The following CHD2 variants were observed in gnomAD, a reference collection of about 807,000 sequenced individuals.
The protein encoded by CHD2 is chromodomain helicase DNA binding protein 2, also known as ATP-dependent chromatin remodeler CHD2.
A neutral mutation model predicts 243.9 loss-of-function variants in CHD2; 28 were observed. The observed-to-expected ratio is 0.11, with a 90% confidence interval of 0.09 to 0.16. The LOEUF (loss-of-function observed/expected upper bound fraction) is 0.16. Among genes scored for constraint, CHD2 ranks in the 10% least tolerant of loss-of-function variants. CHD2 has a pLI of 1.00. For synonymous variants in CHD2, 775 were observed against 779.0 expected (o/e 0.99, Z 0.09); for missense variants, 1,386 against 2,209.8 (o/e 0.63, Z 7.47).
intron 35 of CHD2, among the ~76,000 whole-genome samples, chr15:93,010,884 A>T (rs771810421): frequency 1.3e-5 from 2 of 152,236 alleles, no homozygotes; most frequent in African/African-American, 2.4e-5. Flanking sequence ...TAATGTGATT[A>T]TCTTTGTATA....
In CHD2 at chr15:93,002,208, A is replaced by G. The variant is rs1596450477; in HGVS notation, c.4169A>G (p.Lys1390Arg). The change falls in exon 33 of 39, where the codon AAA becomes AGA. Residue 1390 changes from lysine (K) to arginine (R), a missense_variant. Coordinates refer to ENST00000394196, the MANE Select transcript of CHD2 (RefSeq NM_001271.4). The part of the protein sequence containing the change: ...DDGLEKSPMK[K>R]KQKKKENKEN... ...GGCTTGGAAAAAAGTCCAATGAAAAAAAAACAGAAGAAGAAAGAGAACAAG... is the reference window on the plus strand; with the variant it reads ...GGCTTGGAAAAAAGTCCAATGAAAAGAAAACAGAAGAAGAAAGAGAACAAG... 1.3e-6 allele frequency: 2 copies of G among 1,595,626 alleles called. No individual in the cohort carries two copies. Among genetic ancestry groups the G allele is most frequent in the East Asian group, 4.5e-5 (2 of 44,762 alleles).
At chr15:92,909,964 G>GTGTGTA in intron 2 of CHD2, among the ~76,000 whole-genome samples, 1 of 109,970 alleles carries the variant, frequency 9.1e-6, no homozygotes, top group South Asian at 2.9e-4. Context: ...GTGTGTGTGT[G>GTGTGTA]TGTGTATGTA....
intron 6 of CHD2, among the ~76,000 whole-genome samples, chr15:92,938,938 A>ACT: frequency 6.6e-6 from 1 of 152,188 alleles, no homozygotes; most frequent in East Asian, 1.9e-4. Flanking sequence ...ACTTATGTAT[A>ACT]GTTACTTCTT....
chr15:92,949,802 C>T (rs2053528286), intron 13 of CHD2, among the ~76,000 whole-genome samples: 1 of 152,150 alleles, frequency 6.6e-6, no homozygotes. Context: ...CTCAGCAAGG[C>T]AATTTTACTT....
chr15:92,986,328 TAGAA>T (rs1222134659), intron 26 of CHD2, among the ~76,000 whole-genome samples: 1 of 151,946 alleles, frequency 6.6e-6, no homozygotes, highest in Non-Finnish European at 1.5e-5. Flanking sequence ...CTGAAGAAAA[TAGAA>T]AGTATAAAGA....
intron 26 of CHD2, 72 bp from the exon 27 acceptor site, chr15:92,991,404 G>A (rs757797233): frequency 1.7e-6 from 2 of 1,150,572 alleles, no homozygotes; most frequent in Non-Finnish European, 2.6e-6. Flanking sequence ...TGTCATCACA[G>A]GATATGCTAG....
chr15:92,933,814 C>T (rs2053219264), intron 5 of CHD2, among the ~76,000 whole-genome samples: 1 of 152,172 alleles, frequency 6.6e-6, no homozygotes, highest in Non-Finnish European at 1.5e-5. Flanking sequence ...CTCTGATGCC[C>T]AGGCTGGCCT....
At chr15:92,992,749 AG>A (rs755660092) in intron 27 of CHD2, 109 bp from the exon 28 acceptor site, 64 of 1,408,268 alleles carry the variant, frequency 4.5e-5, no homozygotes, top group Non-Finnish European at 6.1e-5. Flanking sequence ...AGGAACGCAA[AG>A]AAAAGTGTCT....
chr15:92,915,562 C>T (rs1326401224), intron 2 of CHD2, among the ~76,000 whole-genome samples: 5 of 152,114 alleles, frequency 3.3e-5, no homozygotes, highest in South Asian at 2.1e-4. Context: ...TGAGCCACCA[C>T]GCCCGGCCTA....
intron 13 of CHD2, among the ~76,000 whole-genome samples, chr15:92,951,686 G>T (rs776002049): frequency 1.6e-4 from 25 of 152,262 alleles, no homozygotes; most frequent in Non-Finnish European, 3.1e-4. Flanking sequence ...ACTTAACTGT[G>T]CTTCCTCCTG....
chr15:92,980,729 G>C, intron 22 of CHD2, 86 bp from the exon 23 acceptor site: 1 of 900,018 alleles, frequency 1.1e-6, no homozygotes, highest in South Asian at 1.6e-5. Flanking sequence ...CAGTTAACTT[G>C]ACCTCTTTCT....
chr15:92,929,925 A>G (rs1260362125), intron 5 of CHD2, among the ~76,000 whole-genome samples: 1 of 152,218 alleles, frequency 6.6e-6, no homozygotes, highest in East Asian at 1.9e-4. Context: ...CATCTCCAAA[A>G]AAAAAAATAA....
intron 2 of CHD2, among the ~76,000 whole-genome samples, chr15:92,913,884 G>A (rs146059684): frequency 1.3e-4 from 20 of 152,150 alleles, no homozygotes; most frequent in South Asian, 1.0e-3. Flanking sequence ...TTGAGAAACC[G>A]TGCTTGCCTT....
intron 34 of CHD2, among the ~76,000 whole-genome samples, chr15:93,007,108 T>C (rs2054331517): frequency 6.6e-6 from 1 of 152,244 alleles, no homozygotes; most frequent in Non-Finnish European, 1.5e-5. Flanking sequence ...TCTGCCACTT[T>C]ATTAGATACT....
chr15:92,938,933 T>G (rs553336779), intron 6 of CHD2, among the ~76,000 whole-genome samples: 1 of 152,236 alleles, frequency 6.6e-6, no homozygotes, highest in Non-Finnish European at 1.5e-5. Context: ...TAAAAACTTA[T>G]GTATAGTTAC....
chr15:92,939,786 C>T (rs2141778689), intron 7 of CHD2, 68 bp downstream of exon 7: 1 of 1,541,702 alleles, frequency 6.5e-7, no homozygotes. Flanking sequence ...TTTTGGTTCT[C>T]ATAAGTCCGG....
chr15:92,957,337 C>T (rs2053629131), intron 16 of CHD2, among the ~76,000 whole-genome samples: 1 of 152,210 alleles, frequency 6.6e-6, no homozygotes. Flanking sequence ...TATATTTCTT[C>T]TTGTCTTCAC....
chr15:92,905,131 A>C (rs975276006), intron 2 of CHD2: 3 of 772,106 alleles, frequency 3.9e-6, no homozygotes, highest in Non-Finnish European at 6.0e-6. Flanking sequence ...AACCATTACT[A>C]TGTAAGTAAA....
At chr15:92,911,843 T>C (rs1309344687) in intron 2 of CHD2, among the ~76,000 whole-genome samples, 1 of 152,242 alleles carries the variant, frequency 6.6e-6, no homozygotes. Flanking sequence ...AGTTTGCTTC[T>C]TTTTAAACAC....
Sources: gnomAD v4.1 joint callset for allele counts (sites outside exome capture counted in the v4.1 genomes callset) on GRCh38, gnomAD v4.1.1 for gene constraint, MANE v1.5 for transcripts, NCBI Gene and HGNC (gene_info 2026-07-23, HGNC 2026-07-21) for gene names.